The following TRPM5 variants were observed in gnomAD, a reference collection of about 807,000 sequenced individuals.
TRPM5 encodes transient receptor potential cation channel subfamily M member 5.
In TRPM5, 121 loss-of-function variants were observed where a neutral mutation model predicts 124.9. The observed-to-expected ratio is 0.97, with a 90% CI of 0.84 to 1.13. The LOEUF (loss-of-function observed/expected upper bound fraction) is 1.13. Among genes scored for constraint, TRPM5 ranks in the 50% most tolerant of loss-of-function variants. The pLI is 0.00. For missense variants in TRPM5, 1,643 were observed against 1,589.1 expected, an observed-to-expected ratio of 1.03 and a Z score of -0.58; for synonymous variants, 781 against 700.5, an observed-to-expected ratio of 1.11 and a Z score of -1.81.
At chr11:2,415,968 C>A in exon 8 of TRPM5, 1 of 1,582,390 alleles carries the variant, frequency 6.3e-7, no homozygotes, top group South Asian at 1.2e-5. Context: ...TCCCAGGCCA[C>A]GGCCAGCTTG....
rs771950624 is a variant in TRPM5 at position 2,414,890 on chromosome 11, C to T, written c.1620+17G>A. 1.3e-6 allele frequency: 2 copies of T among 1,598,410 alleles called. No homozygotes were observed. The highest frequency in any genetic ancestry group is 1.7e-6 in the Non-Finnish European group (2 of 1,173,898). On this transcript the variant is annotated intron_variant, in intron 10 of 23. Coordinates refer to ENST00000155858, the Ensembl canonical transcript of TRPM5. ...CCCCTCCCCTGCCCCCGCGCTGGGC[C>T]CGCGGCCTGGGCTCACCATGGCCCA... is the stretch of plus-strand genomic sequence containing the variant.
exon 15 of TRPM5, chr11:2,412,876 A>G (rs1850480339): frequency 6.3e-7 from 1 of 1,598,778 alleles, no homozygotes; most frequent in East Asian, 2.2e-5. Flanking sequence ...AGGAAGAGGA[A>G]GGCGAAGTAC....
At chr11:2,442,625 T>C in the TRPM5 span, among the ~76,000 whole-genome samples, 1 of 152,234 alleles carries the variant, frequency 6.6e-6, no homozygotes, top group Non-Finnish European at 1.5e-5. This position sits in a 1 kb window ranked among gnomAD's most constrained non-coding sequence, Gnocchi z 5.9. Context: ...GGTTATTTCC[T>C]AGAAGTGGGG....
chr11:2,410,161 C>T (rs1303690278), intron 18 of TRPM5, among the ~76,000 whole-genome samples: 1 of 152,188 alleles, frequency 6.6e-6, no homozygotes, highest in Non-Finnish European at 1.5e-5. Context: ...CTGTGATGAG[C>T]AAACACCAAA....
chr11:2,422,778 C>A, intron 1 of TRPM5, 142 bp downstream of exon 6: 1 of 735,526 alleles, frequency 1.4e-6, no homozygotes. Flanking sequence ...CTCTGCCTGT[C>A]TGGGGGCTCT....
At chr11:2,430,834 TGGTGGTTTTGGTGGTGGTGATGGA>T in the TRPM5 span, among the ~76,000 whole-genome samples, 6 of 147,938 alleles carry the variant, frequency 4.1e-5, no homozygotes, top group East Asian at 8.3e-4. Flanking sequence ...TTGATGGTGG[TGGTGGTTTTGGTGGTGGTGATGGA>T]GGTGGTGTTG....
At chr11:2,410,033 G>A (rs1325736173) in intron 18 of TRPM5, among the ~76,000 whole-genome samples, 1 of 152,228 alleles carries the variant, frequency 6.6e-6, no homozygotes, top group African/African-American at 2.4e-5. Flanking sequence ...CCCGTCTAGA[G>A]CTCCTCCTGC....
chr11:2,439,106 G>C, the TRPM5 span, among the ~76,000 whole-genome samples: 3 of 152,232 alleles, frequency 2.0e-5, no homozygotes, highest in Admixed American at 6.5e-5. Context: ...AAATGGTGCT[G>C]AGACAGCTGG....
intron 4 of TRPM5, among the ~76,000 whole-genome samples, chr11:2,419,727 G>A (rs1260188360): frequency 2.0e-5 from 3 of 151,920 alleles, no homozygotes; most frequent in African/African-American, 7.3e-5. Flanking sequence ...ATAATTATAT[G>A]CTTTGTTTAT....
chr11:2,421,066 C>A (rs34774104), exon 3 of TRPM5: 2 of 1,548,704 alleles, frequency 1.3e-6, no homozygotes, highest in Non-Finnish European at 8.7e-7. Flanking sequence ...GTGCAGGACG[C>A]GGCCCAGCGA....
At chr11:2,405,913 C>A (rs1249205242) in intron 22 of TRPM5, 106 bp downstream of exon 27, 1 of 1,083,404 alleles carries the variant, frequency 9.2e-7, no homozygotes, top group Middle Eastern at 2.2e-4. Flanking sequence ...CTGGCTCTGG[C>A]CTGCCTCATC....
the TRPM5 span, among the ~76,000 whole-genome samples, chr11:2,443,451 C>T: frequency 6.6e-6 from 1 of 152,184 alleles, no homozygotes; most frequent in Non-Finnish European, 1.5e-5. The surrounding 1 kb of genome is among the most constrained non-coding windows in gnomAD (Gnocchi z 5.0). Context: ...CACTGATATG[C>T]TTCCCAGGAA....
exon 12 of TRPM5, chr11:2,414,137 C>A: frequency 6.2e-7 from 1 of 1,606,874 alleles, no homozygotes; most frequent in Non-Finnish European, 8.5e-7. Flanking sequence ...CTTGCTCCAG[C>A]AGCGGTTCCG....
At chr11:2,437,333 T>C in the TRPM5 span, among the ~76,000 whole-genome samples, 9 of 152,172 alleles carry the variant, frequency 5.9e-5, no homozygotes, top group Admixed American at 2.6e-4. The surrounding 1 kb of genome is among the most constrained non-coding windows in gnomAD (Gnocchi z 5.6). Context: ...CTACATCTCC[T>C]GATTTCACAG....
intron 12 of TRPM5, 52 bp downstream of exon 17, chr11:2,414,009 G>GGGGGCGCCCCCCCCCCCCCCCC: frequency 4.9e-6 from 5 of 1,023,734 alleles, no homozygotes; most frequent in Non-Finnish European, 5.7e-6. Context: ...GGCCCAGCTC[G>GGGGGCGCCCCCCCCCCCCCCCC]CCCGCCCACC....
chr11:2,411,924 C>G (rs1321941117), intron 16 of TRPM5, among the ~76,000 whole-genome samples, 157 bp from the exon 22 acceptor site: 2 of 152,144 alleles, frequency 1.3e-5, no homozygotes, highest in Non-Finnish European at 2.9e-5. Flanking sequence ...TTTTAAGAGA[C>G]AGGGTCTTGC....
intron 12 of TRPM5, 52 bp downstream of exon 17, chr11:2,414,009 G>GGGCGGCCCCCCC: frequency 2.9e-6 from 3 of 1,023,734 alleles, no homozygotes; most frequent in East Asian, 2.8e-5. Context: ...GGCCCAGCTC[G>GGGCGGCCCCCCC]CCCGCCCACC....
chr11:2,418,662 G>T, intron 4 of TRPM5, 71 bp from the exon 10 acceptor site: 1 of 1,481,808 alleles, frequency 6.7e-7, no homozygotes, highest in Non-Finnish European at 9.2e-7. Flanking sequence ...CAGGCTCTCA[G>T]GCCACCACAT....
Position 2,418,602 on chromosome 11 carries a change from G to T in TRPM5, c.650-11C>A, listed in dbSNP as rs1240545378. ...CGATGCTGCCAGTGCCTGTGGACAG[G>T]GCACCCGTGAGGCCTGAGGACCCTC... On this transcript the variant is annotated splice_polypyrimidine_tract_variant and intron_variant, in intron 4 of 23. Coordinates refer to ENST00000155858, the Ensembl canonical transcript of TRPM5. 3 of 1,609,144 alleles carry T rather than the reference G, an allele frequency of 1.9e-6. No individual in the cohort carries two copies. Among genetic ancestry groups the T allele is most frequent in the African/African-American group, 1.3e-5 (1 of 74,844 alleles).
Sources: allele counts gnomAD v4.1 joint callset (sites outside exome capture counted in the v4.1 genomes callset), GRCh38; gene constraint gnomAD v4.1.1; non-coding constraint Gnocchi (gnomAD v3.1); transcripts MANE v1.5; gene names NCBI Gene and HGNC (gene_info 2026-07-23, HGNC 2026-07-21).